LASP1: variants seen among roughly 807,000 people sequenced by gnomAD.
The protein encoded by LASP1 is LIM and SH3 protein 1.
In LASP1, 10 loss-of-function variants were observed where a neutral mutation model predicts 38.6. The observed-to-expected ratio is 0.26, with a 90% CI of 0.16 to 0.44. LASP1 has a LOEUF of 0.44. Ranked by LOEUF, LASP1 falls within the 20% of genes least tolerant of loss-of-function variation. The pLI is 1.00. For missense variants in LASP1, 243 were observed against 375.7 expected (o/e 0.65, Z 2.92); for synonymous variants, 132 against 140.8 (o/e 0.94, Z 0.44).
At chr17:38,909,576 C>A (rs1914870940) in intron 4 of LASP1, among the ~76,000 whole-genome samples, 2 of 151,236 alleles carry the variant, frequency 1.3e-5, no homozygotes, top group Middle Eastern at 3.2e-3. Context: ...CACTGCACTC[C>A]AGCCTGGGCG....
Position 38,921,188 on chromosome 17 carries a change from C to A in LASP1, c.*2410C>A. ...TAGAAGAGCACAGAGCCCTGAGGGG[C>A]TGGGCTGGGCTGGGCTGAGCCCCTG... On this transcript the variant is annotated 3_prime_UTR_variant, in exon 7 of 7. Transcript: ENST00000318008. The A allele has an allele frequency of 4.4e-6, 1 of 228,344 alleles. No homozygotes were observed. The highest frequency in any genetic ancestry group is 8.7e-6 in the Non-Finnish European group (1 of 114,870). 14.1% of individuals were successfully genotyped at this position (228,344 alleles called of 1,614,324 possible).
At chr17:38,887,098 G>C (rs1914161643) in intron 2 of LASP1, among the ~76,000 whole-genome samples, 1 of 152,254 alleles carries the variant, frequency 6.6e-6, no homozygotes, top group South Asian at 2.1e-4. Flanking sequence ...GACCGGGTCT[G>C]GAGGATGTGT....
intron 2 of LASP1, among the ~76,000 whole-genome samples, chr17:38,886,821 G>A (rs577883237): frequency 1.3e-5 from 2 of 152,300 alleles, no homozygotes; most frequent in South Asian, 4.1e-4. Context: ...GTGTGTGTAG[G>A]AACTTCAGAC....
At chr17:38,901,339 C>T (rs755839898) in intron 4 of LASP1, among the ~76,000 whole-genome samples, 11 of 152,236 alleles carry the variant, frequency 7.2e-5, no homozygotes, top group Non-Finnish European at 1.3e-4. Flanking sequence ...CATCTTTTAC[C>T]CTTCTCGCGG....
intron 3 of LASP1, chr17:38,896,991 T>A (rs994750960): frequency 1.0e-6 from 1 of 985,344 alleles, no homozygotes; most frequent in African/African-American, 1.7e-5. Flanking sequence ...CCTTCCCCGA[T>A]GCCCGCTTCC....
intron 2 of LASP1, among the ~76,000 whole-genome samples, chr17:38,883,677 C>T (rs989066996): frequency 7.3e-5 from 11 of 151,510 alleles, no homozygotes; most frequent in African/African-American, 2.4e-4. Context: ...AACAGGCCCG[C>T]GTTTCCATGC....
At chr17:38,904,827 T>C (rs1224310740) in intron 4 of LASP1, among the ~76,000 whole-genome samples, 2 of 152,222 alleles carry the variant, frequency 1.3e-5, no homozygotes, top group African/African-American at 4.8e-5. Flanking sequence ...GCCTAATCAA[T>C]AGTAAATAGT....
intron 1 of LASP1, among the ~76,000 whole-genome samples, chr17:38,871,304 C>T (rs539672890): frequency 5.3e-4 from 80 of 152,048 alleles, no homozygotes; most frequent in African/African-American, 1.9e-3. Context: ...GGATCCTGTT[C>T]TCTTGTAAGC....
Position 38,918,795 on chromosome 17 carries a change from T to A in LASP1, c.*17T>A, listed in dbSNP as rs1915211821. On this transcript the variant is annotated 3_prime_UTR_variant, in exon 7 of 7. Coordinates refer to ENST00000318008, the MANE Select transcript of LASP1 (RefSeq NM_006148.4). This position sits in a 1 kb window ranked among gnomAD's most constrained non-coding sequence, Gnocchi z 4.4. ...GCCATCTGAACCCGCAGCGCCCCCATCTGTCTTCAGCACATTCCACGGCAT... is the reference window on the plus strand; with the variant it reads ...GCCATCTGAACCCGCAGCGCCCCCAACTGTCTTCAGCACATTCCACGGCAT... 2 of 1,612,734 alleles carry A rather than the reference T, an allele frequency of 1.2e-6. No homozygotes were observed. Among genetic ancestry groups the A allele is most frequent in the African/African-American group, 2.7e-5 (2 of 75,062 alleles).
intron 6 of LASP1, chr17:38,916,805 G>A (rs957584369): frequency 6.6e-6 from 1 of 151,564 alleles, no homozygotes; most frequent in Admixed American, 6.6e-5. Context: ...AGGTTGCAGT[G>A]AGCCGAGATC....
chr17:38,881,965 T>C (rs923488385), intron 2 of LASP1, among the ~76,000 whole-genome samples: 1 of 152,212 alleles, frequency 6.6e-6, no homozygotes, highest in African/African-American at 2.4e-5. Context: ...TCAGACTTGT[T>C]TGGGGGAGAG....
intron 3 of LASP1, among the ~76,000 whole-genome samples, chr17:38,897,289 T>G (rs1463717744): frequency 6.6e-6 from 1 of 152,224 alleles, no homozygotes; most frequent in African/African-American, 2.4e-5. Context: ...CGTGGCTGCA[T>G]GCGCATGCGC....
chr17:38,911,212 C>A (rs752201364), intron 4 of LASP1, among the ~76,000 whole-genome samples: 1 of 152,150 alleles, frequency 6.6e-6, no homozygotes, highest in Non-Finnish European at 1.5e-5. Flanking sequence ...AACAGCACAG[C>A]CCAGTCCCAG....
chr17:38,890,159 C>T (rs933216558), intron 2 of LASP1: 8 of 455,092 alleles, frequency 1.8e-5, no homozygotes, highest in East Asian at 3.7e-5. Flanking sequence ...AGTGGCCATC[C>T]TTTCGCTCAG....
chr17:38,892,257 G>C (rs550842169), intron 3 of LASP1, among the ~76,000 whole-genome samples: 12 of 152,324 alleles, frequency 7.9e-5, no homozygotes, highest in African/African-American at 2.9e-4. Flanking sequence ...CCCTGGTCTT[G>C]TCACTCCCAA....
At chr17:38,897,201 T>C (rs1715471842) in intron 3 of LASP1, 2 of 523,672 alleles carry the variant, frequency 3.8e-6, no homozygotes, top group Non-Finnish European at 4.9e-6. Flanking sequence ...ACCACATGGA[T>C]GAGTGACTGG....
chr17:38,887,456 G>T (rs1157117042), intron 2 of LASP1, among the ~76,000 whole-genome samples: 1 of 152,226 alleles, frequency 6.6e-6, no homozygotes, highest in Non-Finnish European at 1.5e-5. Context: ...TTTGAAGGGA[G>T]CTCCTCAGCT....
intron 4 of LASP1, among the ~76,000 whole-genome samples, chr17:38,906,527 AAAATAAAT>A (rs60650093): frequency 6.6e-6 from 1 of 151,118 alleles, no homozygotes; most frequent in Admixed American, 6.6e-5. Flanking sequence ...AGACTGTCTC[AAAATAAAT>A]AAATAAATAA....
chr17:38,878,147 A>T lies in LASP1; in HGVS notation c.131A>T (p.Tyr44Phe). 6.2e-7 allele frequency: 1 copy of T among 1,613,864 alleles called. No homozygotes were observed. Among genetic ancestry groups the T allele is most frequent in the Non-Finnish European group, 8.5e-7 (1 of 1,179,856 alleles). The change falls in exon 2 of 7, where the codon TAC (tyrosine) becomes TTC (phenylalanine). Residue 44 changes from tyrosine to phenylalanine, a missense_variant. By Grantham distance (22) the Tyr-to-Phe change is conservative (BLOSUM62 3). This residue lies in a region of LASP1 where 43 missense variants were observed against 108.3 expected (regional missense o/e 0.40). Transcript: ENST00000318008. ...TCKMTLNMKN[Y>F]KGYEKKPYCN... ...AAGATGACACTGAACATGAAGAACT[A>T]CAAGGGCTACGAGAAGAAGCCCTAC...
Sources: allele counts gnomAD v4.1 joint callset (sites outside exome capture counted in the v4.1 genomes callset), GRCh38; gene constraint gnomAD v4.1.1; regional missense constraint gnomAD v4.1.1; non-coding constraint Gnocchi (gnomAD v3.1); transcripts MANE v1.5; gene names NCBI Gene and HGNC (gene_info 2026-07-23, HGNC 2026-07-21).